NPSR1: variants seen among roughly 807,000 people sequenced by gnomAD.
NPSR1 encodes the protein neuropeptide S receptor.
Under a neutral mutation model 46.9 loss-of-function variants are expected in NPSR1, and 48 were observed. The ratio of observed to expected loss-of-function variants is 1.02; its 90% confidence interval spans 0.81 to 1.30. NPSR1 has a LOEUF of 1.30. Ranked by LOEUF, NPSR1 falls within the 50% of genes most tolerant of loss-of-function variation. The pLI, the probability that NPSR1 is intolerant of heterozygous loss-of-function variation, is 0.00. For missense variants in NPSR1, 450 were observed against 449.5 expected, an observed-to-expected ratio of 1.00 and a Z score of -0.01; for synonymous variants, 176 against 168.1, an observed-to-expected ratio of 1.05 and a Z score of -0.36.
At chr7:34,664,657 T>G (rs994706889) in intron 1 of NPSR1, among the ~76,000 whole-genome samples, 7 of 151,854 alleles carry the variant, frequency 4.6e-5, no homozygotes, top group Admixed American at 2.0e-4. Flanking sequence ...GAATAAGATA[T>G]AGATATAGAG....
downstream of NPSR1, among the ~76,000 whole-genome samples, chr7:34,851,305 C>CTT (rs11337710): frequency 1.5e-5 from 2 of 135,928 alleles, no homozygotes; most frequent in South Asian, 2.4e-4. Flanking sequence ...GTCATGTGGG[C>CTT]TTTTTTTTTT....
Position 34,741,629 on chromosome 7 carries a change from T to C in NPSR1, c.281-36833T>C, listed in dbSNP as rs1784945603. Reference sequence around the variant, plus strand: ...CTTTGTACTGATCCTTCAGGGACCCTGGGAATATTCTAAGTTAGGTAAAAC... The same window carrying C: ...CTTTGTACTGATCCTTCAGGGACCCCGGGAATATTCTAAGTTAGGTAAAAC... On this transcript the variant is annotated intron_variant, in intron 2 of 8. Transcript: ENST00000360581. Among the ~76,000 whole-genome samples, 3 of 152,158 alleles carry C rather than the reference T, an allele frequency of 2.0e-5. No homozygotes were observed. In the South Asian group the frequency reaches 6.2e-4, roughly 32 times the overall value.
intron 7 of NPSR1, 109 bp downstream of exon 7, chr7:34,845,091 C>T (rs914470175): frequency 6.8e-5 from 52 of 762,128 alleles, no homozygotes; most frequent in Non-Finnish European, 1.1e-4. Context: ...ACTTCTACAT[C>T]GGTCTGCTTA....
chr7:34,740,806 T>A (rs930951315), intron 2 of NPSR1, among the ~76,000 whole-genome samples: 3 of 152,142 alleles, frequency 2.0e-5, no homozygotes, highest in African/African-American at 7.2e-5. Flanking sequence ...GTCTGTGGGT[T>A]CTCTCGGCTT....
At chr7:34,725,520 A>G (rs1020171867) in intron 2 of NPSR1, among the ~76,000 whole-genome samples, 1 of 152,192 alleles carries the variant, frequency 6.6e-6, no homozygotes, top group Non-Finnish European at 1.5e-5. Context: ...AGACTCATAT[A>G]TAAGTTAACG....
At chr7:34,681,970 A>C (rs558636162) in intron 1 of NPSR1, among the ~76,000 whole-genome samples, 37 of 152,306 alleles carry the variant, frequency 2.4e-4, no homozygotes, top group African/African-American at 8.7e-4. Flanking sequence ...GGGCAATTTA[A>C]ATAATTATCT....
intron 2 of NPSR1, chr7:34,751,550 T>C: frequency 1.3e-6 from 2 of 1,587,412 alleles, no homozygotes; most frequent in South Asian, 2.2e-5. Flanking sequence ...CTTGTATTCT[T>C]CTCCTTGGGA....
At chr7:34,823,378 C>G (rs951330119) in intron 4 of NPSR1, among the ~76,000 whole-genome samples, 1 of 105,076 alleles carries the variant, frequency 9.5e-6, no homozygotes, top group Admixed American at 1.2e-4. Context: ...CTAGCATTGG[C>G]AACAGAGCAA....
At chr7:34,866,348 G>C (rs1354428830) in intron 8 of NPSR1, among the ~76,000 whole-genome samples, 5 of 151,852 alleles carry the variant, frequency 3.3e-5, no homozygotes, top group Non-Finnish European at 7.3e-5. Context: ...AACAGAGGAA[G>C]TCAGCTCATG....
chr7:34,738,654 C>CCTTCAT (rs1162355096), intron 2 of NPSR1, among the ~76,000 whole-genome samples: 2 of 151,588 alleles, frequency 1.3e-5, no homozygotes, highest in Non-Finnish European at 2.9e-5. Context: ...TTATTTGTTC[C>CCTTCAT]CTGCTTTTGT....
At chr7:34,788,319 C>T (rs1405941413) in intron 3 of NPSR1, among the ~76,000 whole-genome samples, 3 of 151,106 alleles carry the variant, frequency 2.0e-5, no homozygotes, top group Non-Finnish European at 4.4e-5. Flanking sequence ...AAAGCATCAA[C>T]CACAGAAGAA....
chr7:34,789,977 A>C (rs760999677), intron 3 of NPSR1, among the ~76,000 whole-genome samples: 4 of 152,018 alleles, frequency 2.6e-5, no homozygotes, highest in Non-Finnish European at 5.9e-5. Flanking sequence ...TCTTTCTCAA[A>C]GTCTTCCCCC....
intron 2 of NPSR1, among the ~76,000 whole-genome samples, chr7:34,697,441 T>G (rs1049800532): frequency 2.6e-5 from 4 of 151,904 alleles, no homozygotes; most frequent in Non-Finnish European, 5.9e-5. Context: ...TGTTTATATA[T>G]AGAGTTATTC....
intron 2 of NPSR1, among the ~76,000 whole-genome samples, chr7:34,728,396 G>T (rs1164477643): frequency 1.3e-5 from 2 of 152,204 alleles, no homozygotes; most frequent in African/African-American, 2.4e-5. Flanking sequence ...ATGATGTGGG[G>T]TGCACGCTGG....
chr7:34,815,775 GA>G (rs142885915), intron 4 of NPSR1, among the ~76,000 whole-genome samples: 11,405 of 152,254 alleles, frequency 0.075, 557 homozygotes, highest in Non-Finnish European at 0.11. Flanking sequence ...CATTCTTAAA[GA>G]GAAGAATTTT....
intron 1 of NPSR1, among the ~76,000 whole-genome samples, chr7:34,667,355 G>A (rs1450195210): frequency 6.6e-6 from 1 of 152,172 alleles, no homozygotes; most frequent in Non-Finnish European, 1.5e-5. Flanking sequence ...GAGAAAGGGG[G>A]GTAGTCATGG....
intron 2 of NPSR1, among the ~76,000 whole-genome samples, chr7:34,714,173 C>T (rs1226540441): frequency 1.3e-5 from 2 of 152,236 alleles, no homozygotes; most frequent in Admixed American, 6.5e-5. Context: ...TGGGCCTCTC[C>T]AGAACTCCCT....
At chr7:34,847,536 C>T (rs1019986034) in intron 7 of NPSR1, among the ~76,000 whole-genome samples, 2 of 152,084 alleles carry the variant, frequency 1.3e-5, no homozygotes, top group African/African-American at 2.4e-5. Flanking sequence ...AGTCTGAGTC[C>T]AAAGGCCTGA....
At chr7:34,733,614 C>A (rs1005706819) in intron 2 of NPSR1, among the ~76,000 whole-genome samples, 4 of 152,008 alleles carry the variant, frequency 2.6e-5, no homozygotes, top group Non-Finnish European at 5.9e-5. Flanking sequence ...TAAATGTGGA[C>A]TCAATAGGAA....
Sources: allele counts gnomAD v4.1 joint callset (sites outside exome capture counted in the v4.1 genomes callset), GRCh38; gene constraint gnomAD v4.1.1; transcripts MANE v1.5; gene names NCBI Gene and HGNC (gene_info 2026-07-23, HGNC 2026-07-21).